The following PDGFC variants were observed in gnomAD, a reference collection of about 807,000 sequenced individuals.
The protein encoded by PDGFC is platelet-derived growth factor C.
In PDGFC, 12 loss-of-function variants were observed where a neutral mutation model predicts 35.5. The ratio of observed to expected loss-of-function variants is 0.34; its 90% confidence interval spans 0.22 to 0.55. PDGFC has a LOEUF of 0.55. Among genes scored for constraint, PDGFC ranks in the 20% least tolerant of loss-of-function variants. The probability of loss-of-function intolerance (pLI) is 0.91; values close to 1 mark genes in which losing one functional copy is unlikely to be tolerated. For synonymous variants in PDGFC, 159 were observed against 148.8 expected, an observed-to-expected ratio of 1.07 and a Z score of -0.50; for missense variants, 322 against 412.4, an observed-to-expected ratio of 0.78 and a Z score of 1.90.
intron 2 of PDGFC, among the ~76,000 whole-genome samples, chr4:156,832,606 C>A (rs964972111): frequency 6.6e-6 from 1 of 152,156 alleles, no homozygotes; most frequent in South Asian, 2.1e-4. Flanking sequence ...ATACCACATT[C>A]GAAACCATCA....
In PDGFC at chr4:156,772,903, A is replaced by C. The variant is rs1003409123; in HGVS notation, c.496-10T>G. 2 of 1,591,184 alleles carry C rather than the reference A, an allele frequency of 1.3e-6. No individual in the cohort carries two copies. The highest frequency in any genetic ancestry group is 1.1e-5 in the South Asian group (1 of 90,568). Reference sequence around the variant, plus strand: ...CAGCTTCTGTGAATTGCTGAAAGTAAAATGAATCCTGTGTTAACTGTTTTA... The same window carrying C: ...CAGCTTCTGTGAATTGCTGAAAGTACAATGAATCCTGTGTTAACTGTTTTA... On this transcript the variant is annotated splice_polypyrimidine_tract_variant and intron_variant, in intron 3 of 5. Transcript: ENST00000502773.
At position 156,762,471 on chromosome 4, in the gene PDGFC, C is replaced by G. The variant is rs562524377; in HGVS notation, c.*619G>C. 1 of 152,548 alleles carries G rather than the reference C, an allele frequency of 6.6e-6. No individual in the cohort carries two copies. The highest frequency in any genetic ancestry group is 2.1e-4 in the South Asian group (1 of 4,822). The allele number at this position is 152,548 out of a possible 1,614,324, so 9.4% of individuals were successfully genotyped here. ...TCTTCCAAACCATGAATGTAGTTCT[C>G]TTCTTCTAAATGGCAGAAATTTTAA... is the stretch of plus-strand genomic sequence containing the variant. On this transcript the variant is annotated 3_prime_UTR_variant, in exon 6 of 6. Coordinates refer to ENST00000502773, the MANE Select transcript of PDGFC (RefSeq NM_016205.3).
intron 1 of PDGFC, among the ~76,000 whole-genome samples, chr4:156,903,129 G>GTA (rs1730833905): frequency 6.7e-6 from 1 of 149,192 alleles, no homozygotes; most frequent in African/African-American, 2.6e-5. Context: ...GTGTGTGTGT[G>GTA]TGTATAAACT....
chr4:156,799,176 A>G (rs553235531), intron 3 of PDGFC, among the ~76,000 whole-genome samples: 10 of 152,214 alleles, frequency 6.6e-5, no homozygotes, highest in Non-Finnish European at 1.2e-4. Context: ...TCTTGCCTGA[A>G]TAATTACTTG....
At chr4:156,947,463 C>T (rs551523444) in intron 1 of PDGFC, among the ~76,000 whole-genome samples, 1 of 152,034 alleles carries the variant, frequency 6.6e-6, no homozygotes, top group East Asian at 1.9e-4. Context: ...ACTAAGTAAA[C>T]ATCAAAATGA....
chr4:156,871,459 T>A (rs4234903), intron 1 of PDGFC, among the ~76,000 whole-genome samples: 15,931 of 152,132 alleles, frequency 0.1, 1,084 homozygotes, highest in South Asian at 0.42. Flanking sequence ...AATCAAAAAG[T>A]TAAAATGGGT....
chr4:156,814,931 A>G (rs555285263), intron 2 of PDGFC, among the ~76,000 whole-genome samples: 50 of 152,230 alleles, frequency 3.3e-4, no homozygotes, highest in African/African-American at 1.2e-3. Flanking sequence ...AAGATTTCCA[A>G]CTGAATTTGA....
At chr4:156,784,135 G>C (rs1046821812) in intron 3 of PDGFC, among the ~76,000 whole-genome samples, 2 of 152,166 alleles carry the variant, frequency 1.3e-5, no homozygotes, top group Non-Finnish European at 2.9e-5. Context: ...ACTTGGAATA[G>C]AGAAAGATAA....
intron 3 of PDGFC, among the ~76,000 whole-genome samples, chr4:156,794,504 A>G (rs576464516): frequency 6.6e-6 from 1 of 152,116 alleles, no homozygotes. Context: ...AGAATGAAAG[A>G]GAAGAAGGAA....
intron 2 of PDGFC, among the ~76,000 whole-genome samples, chr4:156,840,030 T>C (rs1381933080): frequency 6.6e-6 from 1 of 152,094 alleles, no homozygotes; most frequent in Non-Finnish European, 1.5e-5. Context: ...TTTGGAAAAT[T>C]TGCAGCCTGA....
At chr4:156,925,771 A>T (rs1579104011) in intron 1 of PDGFC, among the ~76,000 whole-genome samples, 1 of 149,172 alleles carries the variant, frequency 6.7e-6, no homozygotes, top group African/African-American at 2.5e-5. Context: ...GAGACGGGGG[A>T]TGGGCATGAG....
At position 156,761,162 on chromosome 4, in the gene PDGFC, G is replaced by A. The variant is rs771889483; in HGVS notation, c.*1928C>T. On this transcript the variant is annotated 3_prime_UTR_variant, in exon 6 of 6. Coordinates refer to ENST00000502773, the MANE Select transcript of PDGFC (RefSeq NM_016205.3). ...CAAGTTGAAAGGCTGAGGAAAGGAT[G>A]CTGAAGATACCAGCCCTGAATAGGA... is the stretch of plus-strand genomic sequence containing the variant. 4 of 152,308 alleles carry A rather than the reference G, an allele frequency of 2.6e-5. No homozygotes were observed. The highest frequency in any genetic ancestry group is 4.4e-5 in the Non-Finnish European group (3 of 68,122). The allele number at this position is 152,308 out of a possible 1,614,324, so 9.4% of individuals were successfully genotyped here.
intron 1 of PDGFC, among the ~76,000 whole-genome samples, chr4:156,870,029 T>C (rs766019899): frequency 9.9e-5 from 15 of 152,084 alleles, no homozygotes; most frequent in Non-Finnish European, 1.9e-4. Flanking sequence ...TATTTTCCCA[T>C]ATTGATGGCT....
intron 2 of PDGFC, among the ~76,000 whole-genome samples, chr4:156,840,153 G>A (rs565331741): frequency 6.6e-6 from 1 of 152,296 alleles, no homozygotes; most frequent in African/African-American, 2.4e-5. Context: ...TGGGAAAAAT[G>A]TCTCCAGGGA....
chr4:156,937,354 C>T (rs906641938), intron 1 of PDGFC, among the ~76,000 whole-genome samples: 50 of 152,160 alleles, frequency 3.3e-4, no homozygotes, highest in Middle Eastern at 3.4e-3. Flanking sequence ...CTTCTGGAGA[C>T]CACCACAATG....
At chr4:156,844,129 A>G (rs1052961398) in intron 2 of PDGFC, among the ~76,000 whole-genome samples, 2 of 152,182 alleles carry the variant, frequency 1.3e-5, no homozygotes, top group African/African-American at 4.8e-5. Flanking sequence ...CTGTCAATGT[A>G]AAATTTTCCA....
chr4:156,893,728 T>C (rs1730568445), intron 1 of PDGFC, among the ~76,000 whole-genome samples: 1 of 152,004 alleles, frequency 6.6e-6, no homozygotes, highest in South Asian at 2.1e-4. Context: ...GGTCTGTTAG[T>C]ATGCTTCATT....
chr4:156,852,918 A>G (rs1729489769), intron 1 of PDGFC, among the ~76,000 whole-genome samples: 1 of 152,166 alleles, frequency 6.6e-6, no homozygotes, highest in South Asian at 2.1e-4. Context: ...AAGATTGAGG[A>G]CCCTGGTCAG....
At chr4:156,848,505 T>C (rs1471546057) in intron 2 of PDGFC, among the ~76,000 whole-genome samples, 1 of 151,980 alleles carries the variant, frequency 6.6e-6, no homozygotes, top group Non-Finnish European at 1.5e-5. Context: ...TGATTATTTC[T>C]ATGATGAAAT....
Sources: allele counts gnomAD v4.1 joint callset (sites outside exome capture counted in the v4.1 genomes callset), GRCh38; gene constraint gnomAD v4.1.1; transcripts MANE v1.5; gene names NCBI Gene and HGNC (gene_info 2026-07-23, HGNC 2026-07-21).